Variants in MARCHF10 observed in about 807,000 individuals in gnomAD.
The protein encoded by MARCHF10 is membrane associated ring-CH-type finger 10, also known as probable E3 ubiquitin-protein ligase MARCHF10.
MARCHF10 carries 64 observed loss-of-function variants against 76.2 expected under a neutral mutation model. The observed-to-expected ratio is 0.84, with a 90% CI of 0.69 to 1.03. The LOEUF (loss-of-function observed/expected upper bound fraction) is 1.03, where lower values mean the gene tolerates loss of function less well. MARCHF10 is among the 50% of genes least tolerant of loss of function. The pLI is 0.00. For synonymous variants in MARCHF10, 340 were observed against 357.5 expected (o/e 0.95, Z 0.55); for missense variants, 875 against 958.0 (o/e 0.91, Z 1.14).
chr17:62,764,136 T>C (rs1283423001), intron 3 of MARCHF10, among the ~76,000 whole-genome samples: 6 of 152,292 alleles, frequency 3.9e-5, no homozygotes, highest in Non-Finnish European at 8.8e-5. Flanking sequence ...TCTTAACAAC[T>C]AGGACCTAAC....
intron 3 of MARCHF10, among the ~76,000 whole-genome samples, chr17:62,781,192 T>C (rs2092652227): frequency 6.6e-6 from 1 of 152,176 alleles, no homozygotes; most frequent in South Asian, 2.1e-4. Context: ...CCATATTAGG[T>C]TGGCTTTTAA....
chr17:62,794,770 C>T (rs2092955724), intron 2 of MARCHF10, among the ~76,000 whole-genome samples: 3 of 152,186 alleles, frequency 2.0e-5, no homozygotes, highest in African/African-American at 7.2e-5. Flanking sequence ...GCATCTGTTC[C>T]TCTATCTCAG....
At chr17:62,743,889 A>G (rs1048132139) in intron 5 of MARCHF10, among the ~76,000 whole-genome samples, 4 of 152,164 alleles carry the variant, frequency 2.6e-5, no homozygotes, top group Non-Finnish European at 5.9e-5. Context: ...CCTGGGTCAG[A>G]GGGGAGAAGA....
intron 4 of MARCHF10, among the ~76,000 whole-genome samples, chr17:62,749,676 C>A (rs1333271770): frequency 6.6e-6 from 1 of 152,146 alleles, no homozygotes; most frequent in African/African-American, 2.4e-5. Flanking sequence ...TATTTTGGAA[C>A]TCAGGGGTGG....
At chr17:62,786,149 T>C (rs1375289357) in intron 3 of MARCHF10, among the ~76,000 whole-genome samples, 1 of 152,082 alleles carries the variant, frequency 6.6e-6, no homozygotes, top group East Asian at 1.9e-4. Flanking sequence ...CCATCAATGA[T>C]AGACTGGATT....
chr17:62,786,093 TG>T (rs1433259479), intron 3 of MARCHF10, among the ~76,000 whole-genome samples: 1 of 152,200 alleles, frequency 6.6e-6, no homozygotes, highest in East Asian at 1.9e-4. Context: ...TTATGTTTAT[TG>T]TGGCACTATT....
chr17:62,767,450 C>CCTTTTTTTTTTTTTTTTTTTTTT lies in MARCHF10; in HGVS notation c.211-7445_211-7444insAAAAAAAAAAAAAAAAAAAAAAG, dbSNP rs67106553. 3.0e-5 allele frequency among the ~76,000 whole-genome samples: 4 copies of CCTTTTTTTTTTTTTTTTTTTTTT among 134,790 alleles called. 2 individuals are homozygous for CCTTTTTTTTTTTTTTTTTTTTTT. Among genetic ancestry groups the CCTTTTTTTTTTTTTTTTTTTTTT allele is most frequent in the Non-Finnish European group, 3.1e-5 (2 of 64,278 alleles). The allele number at this position is 134,790 out of a possible 152,430, so 88.4% of individuals were successfully genotyped here. A position where few individuals can be genotyped will look rare whatever the true frequency, so the allele number is the denominator to read the frequency against. On this transcript the variant is annotated intron_variant, in intron 3 of 10. Transcript: ENST00000311269. ...AGCTTTGAATTGGTGGGTCTGTATT[C>CCTTTTTTTTTTTTTTTTTTTTTT]TTTTTTTTTTTTTTTTTTGAGATGG...
At position 62,759,995 on chromosome 17, in the gene MARCHF10, C is replaced by G. The variant is rs1329205570; in HGVS notation, c.222G>C (p.Glu74Asp). 7 of 1,612,630 alleles carry G rather than the reference C, an allele frequency of 4.3e-6. No homozygotes were observed. Among genetic ancestry groups the G allele is most frequent in the Non-Finnish European group, 5.9e-6 (7 of 1,179,440 alleles). The change falls in exon 4 of 11, where the codon GAG (glutamate) becomes GAC (aspartate). Residue 74 changes from glutamate (E) to aspartate (D), a missense_variant. Coordinates refer to ENST00000311269, the MANE Select transcript of MARCHF10 (RefSeq NM_152598.4). ...ACCTTGGTTCAGTTAGAGCATCCTCCTCACTAGAACTCTACCAAAAATGAA... is the reference window on the plus strand; with the variant it reads ...ACCTTGGTTCAGTTAGAGCATCCTCGTCACTAGAACTCTACCAAAAATGAA... ...SRSSSKQSSS[E>D]EDALTEPRSS...
At chr17:62,748,405 AAAAC>A (rs147656820) in intron 4 of MARCHF10, among the ~76,000 whole-genome samples, 291 of 147,882 alleles carry the variant, frequency 2.0e-3, no homozygotes, top group South Asian at 8.5e-3. Flanking sequence ...CTCCATCTCA[AAAAC>A]AAACAAACAA....
chr17:62,705,700 G>A, intron 9 of MARCHF10, 119 bp from the exon 10 acceptor site: 1 of 1,262,322 alleles, frequency 7.9e-7, no homozygotes, highest in Non-Finnish European at 1.1e-6. Flanking sequence ...TAAAGGGGCA[G>A]GAAAATGGGC....
intron 2 of MARCHF10, 96 bp downstream of exon 2, chr17:62,801,550 A>G: frequency 8.9e-7 from 1 of 1,128,448 alleles, no homozygotes; most frequent in Non-Finnish European, 1.3e-6. Flanking sequence ...GATTTTAGAA[A>G]ACTTTTACTG....
At position 62,711,583 on chromosome 17, in the gene MARCHF10, A is replaced by G. The variant is rs1250888117; in HGVS notation, c.2215-239T>C. Among the ~76,000 whole-genome samples the G allele has an allele frequency of 6.6e-6, 1 of 152,130 alleles. No individual in the cohort carries two copies. Among genetic ancestry groups the G allele is most frequent in the Non-Finnish European group, 1.5e-5 (1 of 68,014 alleles). On this transcript the variant is annotated intron_variant, in intron 8 of 10. Coordinates refer to ENST00000311269, the MANE Select transcript of MARCHF10 (RefSeq NM_152598.4). The surrounding 1 kb of genome is among the most constrained non-coding windows in gnomAD (Gnocchi z 4.4). ...GTGGAGGATGCTCGGAGAAAGTTCC[A>G]TTTTCCAGGCTCAATCCCATTCCAC...
intron 10 of MARCHF10, among the ~76,000 whole-genome samples, chr17:62,704,255 C>T (rs993900065): frequency 8.6e-5 from 13 of 151,960 alleles, no homozygotes; most frequent in Non-Finnish European, 1.8e-4. Flanking sequence ...CCCGGAGGTG[C>T]GGCGTGCGCC....
intron 1 of MARCHF10, among the ~76,000 whole-genome samples, chr17:62,804,299 C>T (rs761963135): frequency 2.6e-5 from 4 of 151,988 alleles, no homozygotes; most frequent in Admixed American, 6.6e-5. Context: ...TGGAGCTGAC[C>T]GGAGAGGTAC....
chr17:62,731,598 G>T (rs183112604), intron 6 of MARCHF10, among the ~76,000 whole-genome samples: 13 of 152,232 alleles, frequency 8.5e-5, no homozygotes, highest in African/African-American at 2.9e-4. Context: ...AAAAAGCATA[G>T]AAATTCCTGG....
intron 4 of MARCHF10, among the ~76,000 whole-genome samples, chr17:62,744,759 C>T (rs2091641535): frequency 6.6e-6 from 1 of 151,964 alleles, no homozygotes; most frequent in Non-Finnish European, 1.5e-5. Flanking sequence ...TCCCTACCTG[C>T]TACATGGAAA....
rs776566230 is a variant in MARCHF10 at position 62,736,517 on chromosome 17, GAGA to G, written c.1348_1350del (p.Ser450del). On this transcript the variant is annotated inframe_deletion, in exon 6 of 11. Transcript: ENST00000311269. ...GGTCTGCCAGAAATAAAGTAGTCAA[GAGA>G]ATTTTGAGAACTGTTTAAATAGTCT... 6.2e-7 allele frequency: 1 copy of G among 1,614,186 alleles called. No individual in the cohort carries two copies. Among genetic ancestry groups the G allele is most frequent in the Non-Finnish European group, 8.5e-7 (1 of 1,180,036 alleles).
chr17:62,743,780 C>T (rs2091601833), intron 5 of MARCHF10, among the ~76,000 whole-genome samples: 1 of 152,092 alleles, frequency 6.6e-6, no homozygotes, highest in Non-Finnish European at 1.5e-5. Flanking sequence ...CCATGAGTTC[C>T]AAGGGGGTGA....
intron 2 of MARCHF10, among the ~76,000 whole-genome samples, chr17:62,789,944 T>C (rs1254396805): frequency 6.6e-6 from 1 of 151,964 alleles, no homozygotes; most frequent in African/African-American, 2.4e-5. Flanking sequence ...AAAAAATTAA[T>C]AATAATAATT....
Sources: allele counts gnomAD v4.1 joint callset (sites outside exome capture counted in the v4.1 genomes callset), GRCh38; gene constraint gnomAD v4.1.1; non-coding constraint Gnocchi (gnomAD v3.1); transcripts MANE v1.5; gene names NCBI Gene and HGNC (gene_info 2026-07-23, HGNC 2026-07-21).